The following LRMDA variants were observed in gnomAD, a reference collection of about 807,000 sequenced individuals.
LRMDA encodes the protein leucine rich melanocyte differentiation associated.
In LRMDA, 18 loss-of-function variants were observed where a neutral mutation model predicts 29.8. The observed-to-expected ratio is 0.60, with a 90% CI of 0.42 to 0.90. The LOEUF is 0.90. Among genes scored for constraint, LRMDA ranks in the 40% least tolerant of loss-of-function variants. LRMDA has a pLI of 0.00. For missense variants in LRMDA, 273 were observed against 273.9 expected, an observed-to-expected ratio of 1.00 and a Z score of 0.02; for synonymous variants, 125 against 109.4, an observed-to-expected ratio of 1.14 and a Z score of -0.89.
chr10:75,577,233 C>T (rs1433351724), intron 2 of LRMDA, among the ~76,000 whole-genome samples: 1 of 151,904 alleles, frequency 6.6e-6, no homozygotes, highest in Non-Finnish European at 1.5e-5. Flanking sequence ...ACGAGAACTT[C>T]GTGAAGCATA....
At chr10:75,691,146 ATC>A (rs1238246927) in intron 2 of LRMDA, among the ~76,000 whole-genome samples, 11 of 100,550 alleles carry the variant, frequency 1.1e-4, no homozygotes, top group South Asian at 6.1e-4. Context: ...AGATCTATAT[ATC>A]TATATACATA....
chr10:76,248,133 G>T (rs967503619), intron 5 of LRMDA, among the ~76,000 whole-genome samples: 1 of 152,092 alleles, frequency 6.6e-6, no homozygotes, highest in Non-Finnish European at 1.5e-5. Context: ...GAGCTATTTT[G>T]ACTCCCAAGA....
chr10:76,244,096 G>T (rs2132288428), intron 5 of LRMDA, among the ~76,000 whole-genome samples: 1 of 152,284 alleles, frequency 6.6e-6, no homozygotes, highest in African/African-American at 2.4e-5. Flanking sequence ...TTTGGTGCAA[G>T]ATCCCTGGGA....
chr10:76,553,304 C>G lies in LRMDA; in HGVS notation c.602-3905C>G, dbSNP rs548276667. Among the ~76,000 whole-genome samples, 3 of 152,356 alleles carry G rather than the reference C, an allele frequency of 2.0e-5. No individual in the cohort carries two copies. In the East Asian group the frequency reaches 5.8e-4, roughly 29 times the overall value. On this transcript the variant is annotated intron_variant, in intron 6 of 6. Coordinates refer to ENST00000611255, the MANE Select transcript of LRMDA (RefSeq NM_001305581.2). ...TATGCCATTAAATGTGTTGTTCCCC[C>G]TCCAGTCCCAAGAAGTTGTAGTTTG... is the stretch of plus-strand genomic sequence containing the variant.
At chr10:76,389,336 C>T (rs1442644264) in intron 6 of LRMDA, among the ~76,000 whole-genome samples, 1 of 151,992 alleles carries the variant, frequency 6.6e-6, no homozygotes, top group Admixed American at 6.6e-5. Context: ...ATTAGAAGGG[C>T]CCAAGCAATC....
At chr10:75,752,949 T>A (rs534134131) in intron 2 of LRMDA, among the ~76,000 whole-genome samples, 1 of 152,362 alleles carries the variant, frequency 6.6e-6, no homozygotes, top group South Asian at 2.1e-4. Flanking sequence ...TTTATGATTC[T>A]TCTGGTTGTA....
intron 2 of LRMDA, among the ~76,000 whole-genome samples, chr10:75,681,475 C>T (rs2132152707): frequency 6.6e-6 from 1 of 152,284 alleles, no homozygotes; most frequent in Non-Finnish European, 1.5e-5. Context: ...TGGCTCTGCT[C>T]CAGGGTGCAG....
At chr10:75,774,350 C>A (rs1025918803) in intron 2 of LRMDA, among the ~76,000 whole-genome samples, 7 of 151,916 alleles carry the variant, frequency 4.6e-5, no homozygotes, top group African/African-American at 1.7e-4. Flanking sequence ...GTTAGTATTT[C>A]TTCTTTGTGT....
intron 5 of LRMDA, among the ~76,000 whole-genome samples, chr10:76,235,545 G>A (rs1311771573): frequency 4.6e-5 from 7 of 152,116 alleles, no homozygotes; most frequent in African/African-American, 1.7e-4. Flanking sequence ...TTCTGGGAAA[G>A]ATGAATGGGC....
At chr10:76,130,045 T>G (rs1202257808) in intron 5 of LRMDA, among the ~76,000 whole-genome samples, 1 of 152,068 alleles carries the variant, frequency 6.6e-6, no homozygotes, top group African/African-American at 2.4e-5. Context: ...GTACCTGGCA[T>G]GTAGTAAGCC....
chr10:75,944,465 GT>G (rs1337190451), intron 2 of LRMDA, among the ~76,000 whole-genome samples: 1 of 151,614 alleles, frequency 6.6e-6, no homozygotes, highest in Non-Finnish European at 1.5e-5. Context: ...ATTTGTGGGG[GT>G]TTTTTGCCAT....
chr10:75,948,217 T>G (rs1846510558), intron 2 of LRMDA, among the ~76,000 whole-genome samples: 2 of 152,174 alleles, frequency 1.3e-5, no homozygotes, highest in Admixed American at 1.3e-4. Flanking sequence ...ACACCAGCAC[T>G]CTATGTCCTT....
chr10:76,522,715 T>A (rs1271599372), intron 6 of LRMDA, among the ~76,000 whole-genome samples: 1 of 152,096 alleles, frequency 6.6e-6, no homozygotes, highest in Non-Finnish European at 1.5e-5. Flanking sequence ...CAAGCTGCAT[T>A]TCTAGGATGA....
intron 2 of LRMDA, among the ~76,000 whole-genome samples, chr10:75,759,160 G>A (rs542115539): frequency 1.3e-5 from 2 of 152,230 alleles, no homozygotes; most frequent in South Asian, 2.1e-4. Flanking sequence ...AGCAAATTCC[G>A]TACATGGATA....
chr10:76,038,243 G>A (rs1444327835), intron 3 of LRMDA, among the ~76,000 whole-genome samples: 1 of 152,224 alleles, frequency 6.6e-6, no homozygotes, highest in African/African-American at 2.4e-5. Flanking sequence ...AAAGAAATAT[G>A]TTGGACTGGT....
At chr10:76,183,349 A>G (rs1297629604) in intron 5 of LRMDA, among the ~76,000 whole-genome samples, 1 of 152,254 alleles carries the variant, frequency 6.6e-6, no homozygotes, top group Non-Finnish European at 1.5e-5. Context: ...AACATGGTTA[A>G]TGAGATATTT....
At position 76,495,351 on chromosome 10, in the gene LRMDA, A is replaced by G. The variant is rs577209498; in HGVS notation, c.602-61858A>G. On this transcript the variant is annotated intron_variant, in intron 6 of 6. Transcript: ENST00000611255. ...TGTGTAGAACTTTTTTGGGTTCTGTATACTGTTTCATTGATTAATGTATCT... is the reference window on the plus strand; with the variant it reads ...TGTGTAGAACTTTTTTGGGTTCTGTGTACTGTTTCATTGATTAATGTATCT... 4.6e-5 allele frequency among the ~76,000 whole-genome samples: 7 copies of G among 151,830 alleles called. No individual in the cohort carries two copies. In the South Asian group the frequency reaches 1.5e-3, roughly 31 times the overall value.
At chr10:75,942,559 C>T (rs564404809) in intron 2 of LRMDA, among the ~76,000 whole-genome samples, 1 of 152,100 alleles carries the variant, frequency 6.6e-6, no homozygotes, top group Non-Finnish European at 1.5e-5. Flanking sequence ...CAGTAATTAA[C>T]CAGAGAAGCA....
intron 6 of LRMDA, among the ~76,000 whole-genome samples, chr10:76,451,904 A>G (rs11001784): frequency 0.33 from 50,163 of 150,314 alleles, 8,918 homozygotes; most frequent in African/African-American, 0.41. Context: ...TGATCTGCCC[A>G]CCTCGGCCTC....
Sources: allele counts gnomAD v4.1 joint callset (sites outside exome capture counted in the v4.1 genomes callset), GRCh38; gene constraint gnomAD v4.1.1; transcripts MANE v1.5; gene names NCBI Gene and HGNC (gene_info 2026-07-23, HGNC 2026-07-21).